Variants in NCKAP5 observed in about 807,000 individuals in gnomAD.
The protein encoded by NCKAP5 is nck-associated protein 5.
A neutral mutation model predicts 167.0 loss-of-function variants in NCKAP5; 92 were observed. The observed-to-expected ratio is 0.55, with a 90% CI of 0.47 to 0.66. The LOEUF is 0.66. Among genes scored for constraint, NCKAP5 ranks in the 30% least tolerant of loss-of-function variants. The pLI is 0.00. For synonymous variants in NCKAP5, 891 were observed against 877.4 expected, an observed-to-expected ratio of 1.02 and a Z score of -0.27; for missense variants, 2,378 against 2,315.0, an observed-to-expected ratio of 1.03 and a Z score of -0.56.
At chr2:132,777,216 A>G (rs928073910) in intron 15 of NCKAP5, among the ~76,000 whole-genome samples, 4 of 152,122 alleles carry the variant, frequency 2.6e-5, no homozygotes, top group Admixed American at 1.3e-4. Context: ...GTTAGGAACT[A>G]CTCCAAACAC....
chr2:132,900,785 C>A (rs1488071412), intron 8 of NCKAP5, among the ~76,000 whole-genome samples: 1 of 151,790 alleles, frequency 6.6e-6, no homozygotes, highest in Non-Finnish European at 1.5e-5. Context: ...ACATGTGAAA[C>A]CTCCTCTCTA....
intron 6 of NCKAP5, among the ~76,000 whole-genome samples, chr2:133,096,334 T>C (rs1342220870): frequency 6.6e-6 from 1 of 151,814 alleles, no homozygotes; most frequent in African/African-American, 2.4e-5. Context: ...CTAGTAAAAA[T>C]ACAAGAATTA....
intron 11 of NCKAP5, among the ~76,000 whole-genome samples, chr2:132,843,734 A>G (rs1688468759): frequency 6.6e-6 from 1 of 151,700 alleles, no homozygotes; most frequent in South Asian, 2.1e-4. Context: ...CTTATATCTT[A>G]CTTTAGATCT....
intron 5 of NCKAP5, among the ~76,000 whole-genome samples, chr2:133,203,209 C>T (rs1574366790): frequency 6.6e-6 from 1 of 152,178 alleles, no homozygotes; most frequent in Admixed American, 6.5e-5. Flanking sequence ...ACTATGCAGC[C>T]ATAAAAAAGG....
At chr2:132,765,308 C>CTTTTT (rs1170247644) in intron 16 of NCKAP5, among the ~76,000 whole-genome samples, 381 of 114,250 alleles carry the variant, frequency 3.3e-3, no homozygotes, top group African/African-American at 4.3e-3. Context: ...TTCTTTCTTT[C>CTTTTT]TTTTTTTTTT....
chr2:133,630,448 TG>T, the NCKAP5 span, among the ~76,000 whole-genome samples: 2 of 151,964 alleles, frequency 1.3e-5, no homozygotes, highest in African/African-American at 4.8e-5. Context: ...GCACTTTGGG[TG>T]AATAGTGAGT....
chr2:133,440,709 CAAAAAAAAAA>C (rs1174654151), intron 3 of NCKAP5, among the ~76,000 whole-genome samples: 8 of 32,662 alleles, frequency 2.4e-4, no homozygotes, highest in Admixed American at 4.9e-4. Flanking sequence ...GACTCTGTCT[CAAAAAAAAAA>C]AAAAAAAAAA....
chr2:133,100,608 C>T (rs76242914), intron 6 of NCKAP5, among the ~76,000 whole-genome samples: 3,169 of 152,086 alleles, frequency 0.021, 109 homozygotes, highest in African/African-American at 0.073. Context: ...GTAGCAACAG[C>T]GTAAGAAATC....
chr2:133,250,416 T>C (rs2088252272), intron 4 of NCKAP5, among the ~76,000 whole-genome samples: 1 of 152,128 alleles, frequency 6.6e-6, no homozygotes, highest in Non-Finnish European at 1.5e-5. Flanking sequence ...TAAGACAGCA[T>C]GCAGGTGTGG....
At chr2:132,899,686 C>T (rs1274331909) in intron 8 of NCKAP5, among the ~76,000 whole-genome samples, 2 of 152,146 alleles carry the variant, frequency 1.3e-5, no homozygotes, top group African/African-American at 4.8e-5. Context: ...ACCAGCCTGA[C>T]CAACATGGTA....
intron 6 of NCKAP5, chr2:133,119,052 G>A (rs2082172787): frequency 6.6e-6 from 1 of 152,188 alleles, no homozygotes; most frequent in Non-Finnish European, 1.5e-5. Context: ...CCAGGCTGGA[G>A]TGCAATGGTG....
At chr2:133,345,736 A>C (rs1273192905) in intron 3 of NCKAP5, among the ~76,000 whole-genome samples, 1 of 152,140 alleles carries the variant, frequency 6.6e-6, no homozygotes, top group Non-Finnish European at 1.5e-5. Context: ...GGGTGATTTC[A>C]TTGTGACTTT....
At chr2:132,706,372 GAA>G (rs1313725196) in intron 19 of NCKAP5, among the ~76,000 whole-genome samples, 2 of 152,184 alleles carry the variant, frequency 1.3e-5, no homozygotes, top group African/African-American at 4.8e-5. Flanking sequence ...CTGGATCTGG[GAA>G]AAGAGAGATT....
chr2:133,458,208 T>C (rs939495715), intron 3 of NCKAP5, among the ~76,000 whole-genome samples: 1 of 152,144 alleles, frequency 6.6e-6, no homozygotes, highest in Non-Finnish European at 1.5e-5. Flanking sequence ...AGAGTAACGT[T>C]TACTGGATTA....
At position 133,308,689 on chromosome 2, in the gene NCKAP5, C is replaced by CTTTTTTT. The variant is rs35760716; in HGVS notation, c.70-5586_70-5580dup. Among the ~76,000 whole-genome samples, 61 of 59,278 alleles carry CTTTTTTT rather than the reference C, an allele frequency of 1.0e-3. 6 individuals carry two copies. Among genetic ancestry groups the CTTTTTTT allele is most frequent in the East Asian group, 1.6e-3 (3 of 1,820 alleles). The allele number at this position is 59,278 out of a possible 152,430, so 38.9% of individuals were successfully genotyped here. On this transcript the variant is annotated intron_variant, in intron 3 of 19. Coordinates refer to ENST00000409261, the MANE Select transcript of NCKAP5 (RefSeq NM_207363.3). ...TTTTTTCGTTTGAAGAAATACAATTCTTTTTTTTTTTTTTTTTTTTTTTTT... is the reference window on the plus strand; with the variant it reads ...TTTTTTCGTTTGAAGAAATACAATTCTTTTTTTTTTTTTTTTTTTTTTTTTTTTTTTT...
chr2:133,333,433 T>C (rs1454543430), intron 3 of NCKAP5, among the ~76,000 whole-genome samples: 1 of 152,142 alleles, frequency 6.6e-6, no homozygotes, highest in Non-Finnish European at 1.5e-5. Flanking sequence ...TGAATGTTAA[T>C]GCTCTCTGCT....
intron 3 of NCKAP5, among the ~76,000 whole-genome samples, chr2:133,307,738 A>G (rs1022785028): frequency 2.6e-5 from 4 of 151,436 alleles, no homozygotes; most frequent in Non-Finnish European, 5.9e-5. Flanking sequence ...TTAAAAACTT[A>G]TGTTTTTATG....
chr2:133,421,837 C>T lies in NCKAP5; in HGVS notation c.69+95621G>A, dbSNP rs541521873. On this transcript the variant is annotated intron_variant, in intron 3 of 19. Coordinates refer to ENST00000409261, the MANE Select transcript of NCKAP5 (RefSeq NM_207363.3). ...CCTCCTGTCTGTCAATATTTAACTACGCTGTCAAGTCACATTACATCACCT... is the reference window on the plus strand; with the variant it reads ...CCTCCTGTCTGTCAATATTTAACTATGCTGTCAAGTCACATTACATCACCT... Among the ~76,000 whole-genome samples, 9 of 152,290 alleles carry T rather than the reference C, an allele frequency of 5.9e-5. No individual in the cohort carries two copies. The South Asian group carries it at 1.5e-3, about 25-fold the overall frequency.
chr2:133,332,095 A>G (rs1453389740), intron 3 of NCKAP5, among the ~76,000 whole-genome samples: 1 of 152,216 alleles, frequency 6.6e-6, no homozygotes, highest in Admixed American at 6.5e-5. Flanking sequence ...GTGTGCCCTC[A>G]GGGAGACTTC....
Sources: gnomAD v4.1 joint callset for allele counts (sites outside exome capture counted in the v4.1 genomes callset) on GRCh38, gnomAD v4.1.1 for gene constraint, MANE v1.5 for transcripts, NCBI Gene and HGNC (gene_info 2026-07-23, HGNC 2026-07-21) for gene names.